RGPD4: variants seen among roughly 807,000 people sequenced by gnomAD.
The protein encoded by RGPD4 is RANBP2 like and GRIP domain containing 4.
A neutral mutation model predicts 141.1 loss-of-function variants in RGPD4; 84 were observed. The observed-to-expected ratio is 0.60, with a 90% CI of 0.50 to 0.71. The LOEUF is 0.71. RGPD4 is among the 30% of genes least tolerant of loss of function. The probability of loss-of-function intolerance (pLI) is 0.00; values close to 1 mark genes in which losing one functional copy is unlikely to be tolerated. For synonymous variants in RGPD4, 298 were observed against 566.8 expected (o/e 0.53, Z 6.74); for missense variants, 918 against 1,622.4 (o/e 0.57, Z 7.46).
rs546623083 is a variant in RGPD4, at chr2:107,877,112, C to T, written c.4925-2856C>T. On this transcript the variant is annotated intron_variant, in intron 20 of 22. Transcript: ENST00000408999. ...GTTTAGACCAGGTGTGGTGTCTCAC[C>T]CCTGCAATCTCAGCACTTTGGGAGG... is the stretch of plus-strand genomic sequence containing the variant. 2.0e-5 allele frequency among the ~76,000 whole-genome samples: 3 copies of T among 151,774 alleles called. No homozygotes were observed. The East Asian group carries it at 5.8e-4, about 29-fold the overall frequency.
chr2:107,868,112 C>G, intron 18 of RGPD4, among the ~76,000 whole-genome samples: 2 of 50,556 alleles, frequency 4.0e-5, no homozygotes, highest in Non-Finnish European at 8.0e-5. Context: ...TGTAGATGAG[C>G]TAGCCTGTTT....
intron 1 of RGPD4, among the ~76,000 whole-genome samples, chr2:107,834,410 A>G (rs1404638001): frequency 1.3e-5 from 2 of 151,660 alleles, no homozygotes; most frequent in Non-Finnish European, 2.9e-5. Flanking sequence ...ACATTTCATG[A>G]GTTTTAAATT....
In RGPD4 at chr2:107,871,857, T is replaced by G. The variant is rs781719436; in HGVS notation, c.3853T>G (p.Phe1285Val). The change falls in exon 20 of 23, where the codon TTT becomes GTT. Residue 1285 changes from phenylalanine (F) to valine (V), a missense_variant. Transcript: ENST00000408999. The part of the protein sequence containing the change: ...SSPVRKNLFH[F>V]GESTTGSNFS... Reference sequence around the variant, plus strand: ...CCCTGTGAGAAAAAATCTTTTCCATTTTGGTGAGTCAACAACAGGATCTAA... The same window carrying G: ...CCCTGTGAGAAAAAATCTTTTCCATGTTGGTGAGTCAACAACAGGATCTAA... 6.2e-7 allele frequency: 1 copy of G among 1,611,616 alleles called. No homozygotes were observed. The highest frequency in any genetic ancestry group is 8.5e-7 in the Non-Finnish European group (1 of 1,179,850).
chr2:107,828,616 C>T (rs878963114), intron 1 of RGPD4, among the ~76,000 whole-genome samples: 1 of 20,430 alleles, frequency 4.9e-5, no homozygotes, highest in Admixed American at 3.1e-4. Flanking sequence ...GCGGCGGCCT[C>T]GACCTGGCCC....
chr2:107,876,444 G>T (rs1357587427), intron 20 of RGPD4, among the ~76,000 whole-genome samples: 1 of 151,564 alleles, frequency 6.6e-6, no homozygotes, highest in Non-Finnish European at 1.5e-5. Context: ...TCCGTTGTTA[G>T]TCATCAAATT....
At chr2:107,829,517 C>T (rs1367545114) in intron 1 of RGPD4, among the ~76,000 whole-genome samples, 1 of 133,228 alleles carries the variant, frequency 7.5e-6, no homozygotes, top group Non-Finnish European at 1.6e-5. Flanking sequence ...TGCTCCCTGG[C>T]GCGCTCTGTT....
At chr2:107,865,362 T>C (rs1682691010) in intron 17 of RGPD4, among the ~76,000 whole-genome samples, 1 of 152,020 alleles carries the variant, frequency 6.6e-6, no homozygotes, top group East Asian at 1.9e-4. Flanking sequence ...CCTTGAGAAT[T>C]AGTTGTATTT....
In RGPD4 at chr2:107,876,541, A is replaced by C. The variant is rs561654778; in HGVS notation, c.4925-3427A>C. 9.9e-5 allele frequency among the ~76,000 whole-genome samples: 15 copies of C among 151,208 alleles called. No homozygotes were observed. In the East Asian group the frequency reaches 2.1e-3, roughly 21 times the overall value. ...CTGAATGTGTAGAACTGCATAACCAATATAGCTTCTTTGCTTTCACATTTA... is the reference window on the plus strand; with the variant it reads ...CTGAATGTGTAGAACTGCATAACCACTATAGCTTCTTTGCTTTCACATTTA... On this transcript the variant is annotated intron_variant, in intron 20 of 22. Transcript: ENST00000408999.
At chr2:107,883,637 A>C (rs1482955183) in intron 22 of RGPD4, among the ~76,000 whole-genome samples, 1 of 35,718 alleles carries the variant, frequency 2.8e-5, no homozygotes, top group Non-Finnish European at 5.4e-5. Context: ...AAAAAAAAAA[A>C]AACAAAAACA....
chr2:107,881,435 A>G (rs1675363077), intron 21 of RGPD4, among the ~76,000 whole-genome samples: 1 of 151,720 alleles, frequency 6.6e-6, no homozygotes, highest in Non-Finnish European at 1.5e-5. Context: ...CCCCTGCCTC[A>G]GCCTCCCGAG....
chr2:107,885,105 T>C (rs1206195615), intron 22 of RGPD4, among the ~76,000 whole-genome samples: 1 of 152,066 alleles, frequency 6.6e-6, no homozygotes, highest in Non-Finnish European at 1.5e-5. Context: ...AGGGCCCAAA[T>C]AAGAATACAT....
At chr2:107,863,597 A>C (rs1462368906) in intron 17 of RGPD4, among the ~76,000 whole-genome samples, 2 of 151,120 alleles carry the variant, frequency 1.3e-5, no homozygotes, top group East Asian at 3.9e-4. Flanking sequence ...GGTTCAAGCA[A>C]CTCTCCTGCC....
rs972917350 is a variant in RGPD4 at position 107,826,907 on chromosome 2, C to T, written c.-107C>T. ...CAAGTTCGTCACAGTGGTCCTCCGC[C>T]GGCTACGCGGAGTCAGTGGCTTTCA... is the stretch of plus-strand genomic sequence containing the variant. On this transcript the variant is annotated 5_prime_UTR_variant, in exon 1 of 23. Transcript: ENST00000408999. 12 of 1,543,832 alleles carry T rather than the reference C, an allele frequency of 7.8e-6. No individual in the cohort carries two copies. The highest frequency in any genetic ancestry group is 4.1e-5 in the African/African-American group (3 of 72,682).
intron 22 of RGPD4, among the ~76,000 whole-genome samples, chr2:107,883,625 CAAAA>C (rs1191898384): frequency 2.6e-5 from 1 of 38,884 alleles, no homozygotes; most frequent in Non-Finnish European, 4.8e-5. Context: ...GACTCCATCT[CAAAA>C]AAAAAAAAAA....
At position 107,873,574 on chromosome 2, in the gene RGPD4, CAAAAAAAAA is replaced by C. The variant is rs3053241; in HGVS notation, c.4924+664_4924+672del. Among the ~76,000 whole-genome samples, 205 of 125,400 alleles carry C rather than the reference CAAAAAAAAA, an allele frequency of 1.6e-3. 2 individuals carry two copies. The highest frequency in any genetic ancestry group is 5.7e-3 in the East Asian group (18 of 3,170). The allele number at this position is 125,400 out of a possible 152,430, so 82.3% of individuals were successfully genotyped here. On this transcript the variant is annotated intron_variant, in intron 20 of 22. Transcript: ENST00000408999. ...GACTGAGTGACTGAGACTTTGTCTC[CAAAAAAAAA>C]AAAAAAAAAAAAAAAAATATGATAT...
intron 1 of RGPD4, among the ~76,000 whole-genome samples, chr2:107,834,690 C>T (rs1681610893): frequency 6.9e-6 from 1 of 144,982 alleles, no homozygotes; most frequent in Admixed American, 6.9e-5. Flanking sequence ...TATAGTGCTT[C>T]CTTTAAGTGA....
chr2:107,855,421 T>G (rs1205092437), intron 8 of RGPD4, among the ~76,000 whole-genome samples: 1 of 150,856 alleles, frequency 6.6e-6, no homozygotes, highest in Non-Finnish European at 1.5e-5. Flanking sequence ...GACTTTCTAC[T>G]TTTTTCCTTT....
chr2:107,877,895 C>A (rs1573529605), intron 20 of RGPD4, among the ~76,000 whole-genome samples: 1 of 151,754 alleles, frequency 6.6e-6, no homozygotes, highest in East Asian at 1.9e-4. Flanking sequence ...CTCACTACAA[C>A]CTCCGCCTCC....
At chr2:107,857,860 C>T (rs991344058) in intron 9 of RGPD4, among the ~76,000 whole-genome samples, 31 of 151,864 alleles carry the variant, frequency 2.0e-4, no homozygotes, top group Non-Finnish European at 3.8e-4. Flanking sequence ...GGGGTGGTGG[C>T]ATGTGCCTGT....
Sources: allele counts gnomAD v4.1 joint callset (sites outside exome capture counted in the v4.1 genomes callset), GRCh38; gene constraint gnomAD v4.1.1; transcripts MANE v1.5; gene names NCBI Gene and HGNC (gene_info 2026-07-23, HGNC 2026-07-21).